The following RAD50 variants were observed in gnomAD, a reference collection of about 807,000 sequenced individuals.
RAD50 encodes the protein RAD50 double strand break repair protein.
Under a neutral mutation model 168.8 loss-of-function variants are expected in RAD50, and 132 were observed. The ratio of observed to expected loss-of-function variants is 0.78; its 90% CI spans 0.68 to 0.90. The LOEUF (loss-of-function observed/expected upper bound fraction) is 0.90. Among genes scored for constraint, RAD50 ranks in the 40% least tolerant of loss-of-function variants. RAD50 has a pLI of 0.00. For synonymous variants in RAD50, 525 were observed against 497.4 expected, an observed-to-expected ratio of 1.06 and a Z score of -0.74; for missense variants, 1,347 against 1,534.4, an observed-to-expected ratio of 0.88 and a Z score of 2.04.
chr5:132,557,196 C>T lies in RAD50; in HGVS notation c.-129C>T, dbSNP rs889705722. On this transcript the variant is annotated 5_prime_UTR_variant, in exon 1 of 25. Coordinates refer to ENST00000378823, the MANE Select transcript of RAD50 (RefSeq NM_005732.4). ...CAGGATCTTTTGGCAGTCCTGTGGC[C>T]TCGCTCCCCGCCCGGATCCTCCTGA... 7 of 1,332,902 alleles carry T rather than the reference C, an allele frequency of 5.3e-6. No homozygotes were observed. The highest frequency in any genetic ancestry group is 2.3e-5 in the East Asian group (1 of 42,638). The allele number at this position is 1,332,902 out of a possible 1,614,324, so 82.6% of individuals were successfully genotyped here. A position where few individuals can be genotyped will look rare whatever the true frequency, so the allele number is the denominator to read the frequency against.
chr5:132,624,159 A>G (rs181993802), intron 21 of RAD50, among the ~76,000 whole-genome samples: 122 of 152,298 alleles, frequency 8.0e-4, no homozygotes, highest in African/African-American at 2.8e-3. Flanking sequence ...TAACATTACA[A>G]TGTTCCCTGG....
chr5:132,561,310 T>G (rs1305586641), intron 2 of RAD50, among the ~76,000 whole-genome samples: 1 of 152,148 alleles, frequency 6.6e-6, no homozygotes, highest in Non-Finnish European at 1.5e-5. Flanking sequence ...TTCTTGTGCC[T>G]TAGCCTCTTG....
intron 2 of RAD50, among the ~76,000 whole-genome samples, chr5:132,566,065 T>C (rs1170810580): frequency 2.0e-5 from 3 of 152,224 alleles, no homozygotes; most frequent in Non-Finnish European, 1.5e-5. Flanking sequence ...TTTTCTTATT[T>C]TTTATTTTAT....
chr5:132,635,996 T>A (rs1378148875), intron 21 of RAD50, among the ~76,000 whole-genome samples: 1 of 152,266 alleles, frequency 6.6e-6, no homozygotes, highest in African/African-American at 2.4e-5. Flanking sequence ...GTATTTATGT[T>A]GAGTCATTTC....
At chr5:132,599,234 G>A (rs570617977) in intron 13 of RAD50, among the ~76,000 whole-genome samples, 457 of 152,288 alleles carry the variant, frequency 3.0e-3, no homozygotes, top group Non-Finnish European at 5.1e-3. Flanking sequence ...AAGAGAACCT[G>A]AAGCTAGAAA....
rs745842591 is a variant in RAD50 at position 132,579,891 on chromosome 5, A to T, written c.581A>T (p.Gln194Leu). 18 of 1,612,804 alleles carry T rather than the reference A, an allele frequency of 1.1e-5. No homozygotes were observed. Among genetic ancestry groups the T allele is most frequent in the Non-Finnish European group, 4.2e-6 (5 of 1,179,010 alleles). Residue 194 changes from glutamine (Q) to leucine (L), a missense_variant, in exon 5 of 25, where the codon CAG becomes CTG. Physicochemically the swap from Gln to Leu is moderately radical, Grantham distance 113. Coordinates refer to ENST00000378823, the MANE Select transcript of RAD50 (RefSeq NM_005732.4). ...ATTAAAGCCTTAGAAACACTTCGGC[A>T]GGTACGTCAGACACAAGGTCAGAAA... ...RYIKALETLR[Q>L]VRQTQGQKVK...
At chr5:132,612,588 A>T (rs1751105583) in intron 19 of RAD50, among the ~76,000 whole-genome samples, 1 of 152,174 alleles carries the variant, frequency 6.6e-6, no homozygotes, top group Admixed American at 6.5e-5. Context: ...TAATCCTAGC[A>T]CTTTGGGAGG....
At chr5:132,562,069 A>G (rs913314224) in intron 2 of RAD50, among the ~76,000 whole-genome samples, 1 of 152,198 alleles carries the variant, frequency 6.6e-6, no homozygotes. Context: ...GGAAGAAAAC[A>G]TTTCATTCAG....
intron 21 of RAD50, among the ~76,000 whole-genome samples, chr5:132,631,115 T>C (rs1183554782): frequency 6.8e-6 from 1 of 146,970 alleles, no homozygotes; most frequent in Non-Finnish European, 1.5e-5. Context: ...CGAGAGAGTC[T>C]CACTTTTTTT....
chr5:132,575,549 C>T (rs1192873820), intron 2 of RAD50, among the ~76,000 whole-genome samples: 2 of 152,146 alleles, frequency 1.3e-5, no homozygotes, highest in African/African-American at 4.8e-5. Flanking sequence ...AATCTGCATA[C>T]CTGATCTCCT....
intron 3 of RAD50, among the ~76,000 whole-genome samples, 185 bp downstream of exon 3, chr5:132,576,113 A>G (rs930456593): frequency 2.0e-5 from 3 of 152,018 alleles, no homozygotes; most frequent in Admixed American, 6.6e-5. Flanking sequence ...CTGAGCTTCC[A>G]TTTTCTCCCT....
At position 132,563,087 on chromosome 5, in the gene RAD50, AT is replaced by A. The variant is rs558199501; in HGVS notation, c.213+3724del. Among the ~76,000 whole-genome samples, 262 of 152,370 alleles carry A rather than the reference AT, an allele frequency of 1.7e-3. 2 individuals carry two copies. Among genetic ancestry groups the A allele is most frequent in the African/African-American group, 6.2e-3 (257 of 41,594 alleles). ...GAAGTGAAACAGAATTATTTTATGA[AT>A]TTTGTTGTAAGTGGACACAGACATA... On this transcript the variant is annotated intron_variant, in intron 2 of 24. Transcript: ENST00000378823.
chr5:132,617,550 T>G (rs1312444200), intron 20 of RAD50, among the ~76,000 whole-genome samples: 1 of 152,226 alleles, frequency 6.6e-6, no homozygotes. Flanking sequence ...TTGGTCATTA[T>G]TATGGTTTTT....
intron 2 of RAD50, among the ~76,000 whole-genome samples, chr5:132,571,610 TG>T (rs979618584): frequency 6.6e-6 from 1 of 151,954 alleles, no homozygotes; most frequent in Non-Finnish European, 1.5e-5. Flanking sequence ...CCCAGCTACT[TG>T]GGGGGCTGAG....
intron 16 of RAD50, among the ~76,000 whole-genome samples, chr5:132,607,565 CAG>C (rs1168619458): frequency 1.1e-4 from 17 of 152,020 alleles, no homozygotes; most frequent in Admixed American, 1.1e-3. Flanking sequence ...TACAAAATAT[CAG>C]AGGTTCAGAA....
At chr5:132,620,059 T>C (rs573323685) in intron 21 of RAD50, among the ~76,000 whole-genome samples, 1 of 151,384 alleles carries the variant, frequency 6.6e-6, no homozygotes, top group East Asian at 2.0e-4. Context: ...CGCCCGCCAC[T>C]ACGCCCGGCT....
chr5:132,565,025 G>A (rs1750183111), intron 2 of RAD50, among the ~76,000 whole-genome samples: 1 of 151,998 alleles, frequency 6.6e-6, no homozygotes, highest in Non-Finnish European at 1.5e-5. Flanking sequence ...GACCTGGTTG[G>A]GGTGATTGGA....
chr5:132,575,132 A>G (rs527954508), intron 2 of RAD50, among the ~76,000 whole-genome samples: 2 of 152,304 alleles, frequency 1.3e-5, no homozygotes, highest in South Asian at 4.1e-4. Context: ...TCACACTGCT[A>G]ATAAAGATAT....
At chr5:132,577,259 G>A (rs138102834) in intron 3 of RAD50, among the ~76,000 whole-genome samples, 5 of 152,238 alleles carry the variant, frequency 3.3e-5, no homozygotes, top group African/African-American at 4.8e-5. Flanking sequence ...TCAAATCACT[G>A]TGACCTCTTC....
Sources: allele counts gnomAD v4.1 joint callset (sites outside exome capture counted in the v4.1 genomes callset), GRCh38; gene constraint gnomAD v4.1.1; transcripts MANE v1.5; gene names NCBI Gene and HGNC (gene_info 2026-07-23, HGNC 2026-07-21).